The following UPP2 variants were observed in gnomAD, a reference collection of about 807,000 sequenced individuals.
The protein encoded by UPP2 is uridine phosphorylase 2.
UPP2 carries 23 observed loss-of-function variants against 26.7 expected under a neutral mutation model. The ratio of observed to expected loss-of-function variants is 0.86; its 90% CI spans 0.62 to 1.22. UPP2 has a LOEUF of 1.22. UPP2 is among the 50% of genes most tolerant of loss of function. The pLI is 0.00. For synonymous variants in UPP2, 127 were observed against 141.3 expected, an observed-to-expected ratio of 0.90 and a Z score of 0.72; for missense variants, 387 against 396.7, an observed-to-expected ratio of 0.98 and a Z score of 0.21.
At chr2:158,044,087 T>A (rs1439162267) in intron 3 of UPP2, among the ~76,000 whole-genome samples, 1 of 152,140 alleles carries the variant, frequency 6.6e-6, no homozygotes, top group Non-Finnish European at 1.5e-5. Context: ...AGCTCTAAAG[T>A]AGCATGGCCT....
intron 3 of UPP2, among the ~76,000 whole-genome samples, chr2:158,024,527 G>A (rs1392129907): frequency 6.6e-6 from 1 of 152,190 alleles, no homozygotes; most frequent in East Asian, 1.9e-4. Flanking sequence ...AATTTGAAGA[G>A]CTCAGAGAGT....
intron 1 of UPP2, among the ~76,000 whole-genome samples, chr2:158,104,567 T>A (rs942188640): frequency 3.3e-5 from 5 of 152,036 alleles, no homozygotes; most frequent in Non-Finnish European, 5.9e-5. Context: ...CAAGTGAGAA[T>A]CGATAAAGAT....
intron 3 of UPP2, among the ~76,000 whole-genome samples, chr2:158,093,906 G>A (rs904733854): frequency 2.0e-5 from 3 of 150,630 alleles, no homozygotes; most frequent in Non-Finnish European, 3.0e-5. Flanking sequence ...GATGTTTACA[G>A]GAAAAAATTG....
Position 158,134,921 on chromosome 2 carries a change from T to C in UPP2, c.*31T>C. 1 of 1,585,432 alleles carries C rather than the reference T, an allele frequency of 6.3e-7. No individual in the cohort carries two copies. The highest frequency in any genetic ancestry group is 8.6e-7 in the Non-Finnish European group (1 of 1,165,754). On this transcript the variant is annotated 3_prime_UTR_variant, in exon 7 of 7. Transcript: ENST00000005756. The stretch of plus-strand genomic sequence containing the variant: ...CTAACTGGGCAGCCCAACCCTCCCC[T>C]GCAAGTTTGTAGCTCAAGTTGTAAT...
At position 158,065,415 on chromosome 2, in the gene UPP2, T is replaced by A; in HGVS notation, c.148-36625T>A. 1.2e-5 allele frequency: 3 copies of A among 250,148 alleles called. No homozygotes were observed. In the South Asian group the frequency reaches 1.3e-4, roughly 11 times the overall value. 15.5% of individuals were successfully genotyped at this position (250,148 alleles called of 1,614,324 possible). The stretch of plus-strand genomic sequence containing the variant: ...CATTTCATTTATTGTTACTTACAAC[T>A]TCATACTCAAAGCACTGAGAATTTC... On this transcript the variant is annotated intron_variant, in intron 3 of 9. Transcript: ENST00000605860.
At chr2:158,076,070 T>A (rs966536139) in intron 3 of UPP2, among the ~76,000 whole-genome samples, 3 of 151,676 alleles carry the variant, frequency 2.0e-5, no homozygotes, top group Non-Finnish European at 2.9e-5. Flanking sequence ...AATTGGAAAA[T>A]CTGGAAGAAA....
intron 3 of UPP2, among the ~76,000 whole-genome samples, chr2:158,052,045 G>T (rs921728207): frequency 1.3e-5 from 2 of 152,128 alleles, no homozygotes; most frequent in Admixed American, 1.3e-4. Flanking sequence ...AAAATATTTA[G>T]GTAGGGGTTG....
At chr2:158,117,534 G>A (rs1161859049) in intron 3 of UPP2, among the ~76,000 whole-genome samples, 3 of 151,916 alleles carry the variant, frequency 2.0e-5, no homozygotes, top group Non-Finnish European at 4.4e-5. Flanking sequence ...GCACCGCCCT[G>A]ACACACCTGT....
In UPP2 at chr2:158,135,734, C is replaced by A. The variant is rs1401225693; in HGVS notation, c.*844C>A. 6.6e-6 allele frequency: 1 copy of A among 152,168 alleles called. No individual in the cohort carries two copies. Among genetic ancestry groups the A allele is most frequent in the Non-Finnish European group, 1.5e-5 (1 of 68,036 alleles). 9.4% of individuals were successfully genotyped at this position (152,168 alleles called of 1,614,324 possible). On this transcript the variant is annotated 3_prime_UTR_variant, in exon 7 of 7. Coordinates refer to ENST00000005756, the MANE Select transcript of UPP2 (RefSeq NM_173355.4). ...AATCCTTTTGTATGACTTGTCCAGA[C>A]CGGCCTATTGCCCTACCCGTTTGAT...
chr2:158,033,292 GTC>G (rs542526191), intron 3 of UPP2, among the ~76,000 whole-genome samples: 1 of 152,134 alleles, frequency 6.6e-6, no homozygotes, highest in Non-Finnish European at 1.5e-5. Context: ...TCCCAGGGAG[GTC>G]TCTCTGCCAC....
intron 3 of UPP2, among the ~76,000 whole-genome samples, chr2:158,093,972 A>G (rs1004584639): frequency 1.4e-4 from 21 of 149,964 alleles, no homozygotes; most frequent in African/African-American, 5.1e-4. Flanking sequence ...TGTTACATTT[A>G]TATATATATG....
At chr2:158,075,737 A>G (rs535661742) in intron 3 of UPP2, among the ~76,000 whole-genome samples, 1 of 152,174 alleles carries the variant, frequency 6.6e-6, no homozygotes, top group South Asian at 2.1e-4. Context: ...TCAGAAAAGA[A>G]GAAAATATTC....
intron 2 of UPP2, among the ~76,000 whole-genome samples, chr2:157,995,867 T>C (rs1683317565): frequency 2.0e-5 from 3 of 152,170 alleles, no homozygotes; most frequent in Admixed American, 1.3e-4. Flanking sequence ...GTGTTTTTTT[T>C]TCTATGAAGT....
intron 3 of UPP2, among the ~76,000 whole-genome samples, chr2:158,057,711 A>G (rs1682269099): frequency 1.3e-5 from 2 of 151,892 alleles, no homozygotes; most frequent in South Asian, 4.2e-4. Context: ...TTTATTATTA[A>G]GTATAGTCTA....
At chr2:158,049,908 C>A (rs1210831284) in intron 3 of UPP2, among the ~76,000 whole-genome samples, 1 of 152,164 alleles carries the variant, frequency 6.6e-6, no homozygotes, top group Non-Finnish European at 1.5e-5. Context: ...AAGACTTGAG[C>A]AAAATAGCTC....
At chr2:158,065,775 T>C (rs1415851024) in intron 3 of UPP2, 12 of 694,614 alleles carry the variant, frequency 1.7e-5, no homozygotes, top group Non-Finnish European at 2.4e-5. Flanking sequence ...TGCACCACCA[T>C]CCAACCAGAT....
At chr2:158,083,867 T>TATATATATATA (rs1553467792) in intron 3 of UPP2, among the ~76,000 whole-genome samples, 4 of 145,878 alleles carry the variant, frequency 2.7e-5, no homozygotes, top group African/African-American at 1.0e-4. Context: ...TATATGTTTT[T>TATATATATATA]TATATATATA....
intron 2 of UPP2, chr2:158,015,763 T>G: frequency 2.2e-6 from 1 of 453,192 alleles, no homozygotes; most frequent in Non-Finnish European, 4.4e-6. Flanking sequence ...ACTTACCCCT[T>G]TGCTCTCTGT....
At chr2:158,117,782 C>A in intron 3 of UPP2, 42 bp from the exon 4 acceptor site, 3 of 1,428,480 alleles carry the variant, frequency 2.1e-6, no homozygotes, top group Non-Finnish European at 3.0e-6. Context: ...GTTCATGTAT[C>A]ACTTTGCAAG....
Sources: allele counts gnomAD v4.1 joint callset (sites outside exome capture counted in the v4.1 genomes callset), GRCh38; gene constraint gnomAD v4.1.1; transcripts MANE v1.5; gene names NCBI Gene and HGNC (gene_info 2026-07-23, HGNC 2026-07-21).